Variants in ARMC7 observed in about 807,000 individuals in gnomAD.
ARMC7 encodes the protein armadillo repeat-containing protein 7.
ARMC7 carries 9 observed loss-of-function variants against 14.8 expected under a neutral mutation model. The observed-to-expected ratio is 0.61, with a 90% CI of 0.37 to 1.06. The LOEUF (loss-of-function observed/expected upper bound fraction) is 1.06, where lower values mean the gene tolerates loss of function less well. Among genes scored for constraint, ARMC7 ranks in the 50% least tolerant of loss-of-function variants. ARMC7 has a pLI of 0.01. For missense variants in ARMC7, 262 were observed against 267.1 expected (o/e 0.98, Z 0.13); for synonymous variants, 125 against 123.4 (o/e 1.01, Z -0.09).
intron 2 of ARMC7, among the ~76,000 whole-genome samples, chr17:75,120,022 A>C (rs1224161684): frequency 6.6e-6 from 1 of 152,124 alleles, no homozygotes; most frequent in African/African-American, 2.4e-5. Context: ...CTCCTGCCTC[A>C]GCCTCCCAAG....
chr17:75,111,430 T>TGAGACTCTGTCTCAAA (rs1374498931), intron 2 of ARMC7, among the ~76,000 whole-genome samples: 2 of 150,534 alleles, frequency 1.3e-5, no homozygotes, highest in Non-Finnish European at 3.0e-5. Flanking sequence ...TGGGCAACAG[T>TGAGACTCTGTCTCAAA]GAGACTCTGT....
At chr17:75,127,396 G>A (rs138389409) in intron 2 of ARMC7, among the ~76,000 whole-genome samples, 6 of 151,826 alleles carry the variant, frequency 4.0e-5, no homozygotes, top group African/African-American at 7.2e-5. Flanking sequence ...TCCACCTACC[G>A]GGTTCAAGCT....
At chr17:75,114,660 A>G (rs1401016066) in intron 2 of ARMC7, 3 of 398,012 alleles carry the variant, frequency 7.5e-6, no homozygotes, top group Admixed American at 4.4e-5. Context: ...TGTTAGGATC[A>G]TTATCACCAG....
chr17:75,117,282 G>A (rs1421487944), intron 2 of ARMC7, among the ~76,000 whole-genome samples: 2 of 152,188 alleles, frequency 1.3e-5, no homozygotes, highest in Non-Finnish European at 2.9e-5. Context: ...TCGACATGTT[G>A]GCCAGGCTGA....
intron 2 of ARMC7, among the ~76,000 whole-genome samples, chr17:75,121,060 C>G (rs752759251): frequency 1.1e-4 from 16 of 152,206 alleles, no homozygotes; most frequent in Non-Finnish European, 1.9e-4. Context: ...TTCATACAAA[C>G]AGAACCATGC....
chr17:75,110,507 G>A lies in ARMC7; in HGVS notation c.136G>A (p.Asp46Asn), dbSNP rs752984804. 7.4e-6 allele frequency: 12 copies of A among 1,613,976 alleles called. No individual in the cohort carries two copies. Among genetic ancestry groups the A allele is most frequent in the African/African-American group, 1.3e-5 (1 of 74,942 alleles). Reference sequence around the variant, plus strand: ...CGCCAACCTCGCCAACTTCGCTTATGACCCCAGCAACTACGAGTATCTGCG... The same window carrying A: ...CGCCAACCTCGCCAACTTCGCTTATAACCCCAGCAACTACGAGTATCTGCG... ...VLANLANFAYDPSNYEYLRQL... is the reference protein window; with the variant it reads ...VLANLANFAYNPSNYEYLRQL... Residue 46 changes from aspartate to asparagine, a missense_variant, in exon 2 of 3, where the codon GAC becomes AAC. Physicochemically the swap from Asp to Asn is conservative, Grantham distance 23. Transcript: ENST00000245543.
In ARMC7 at chr17:75,109,974, C is replaced by G. The variant is rs1053970583; in HGVS notation, c.-315C>G. The G allele has an allele frequency of 1.6e-4, 49 of 315,390 alleles. 1 individual carries two copies. Among genetic ancestry groups the G allele is most frequent in the African/African-American group, 1.0e-3 (47 of 45,456 alleles). 19.5% of individuals were successfully genotyped at this position (315,390 alleles called of 1,614,324 possible). A position where few individuals can be genotyped will look rare whatever the true frequency, so the allele number is the denominator to read the frequency against. ...GCGGCTTCCGCCGGGAGCCCGGAAC[C>G]GAGCCCAGGAGCCGGGGACGGTGCG... is the stretch of plus-strand genomic sequence containing the variant. On this transcript the variant is annotated 5_prime_UTR_variant, in exon 1 of 3. Coordinates refer to ENST00000245543, the MANE Select transcript of ARMC7 (RefSeq NM_024585.4). The surrounding 1 kb of genome is among the most constrained non-coding windows in gnomAD (Gnocchi z 5.0).
intron 2 of ARMC7, among the ~76,000 whole-genome samples, chr17:75,125,962 C>G (rs1351343058): frequency 6.6e-6 from 1 of 152,166 alleles, no homozygotes; most frequent in African/African-American, 2.4e-5. Flanking sequence ...GGGTCCTTGG[C>G]GGGGGCACCA....
chr17:75,118,741 G>C (rs904845163), intron 2 of ARMC7, among the ~76,000 whole-genome samples: 37 of 152,172 alleles, frequency 2.4e-4, no homozygotes, highest in African/African-American at 8.9e-4. Flanking sequence ...TGCCTCTCCT[G>C]GATGCCCGCC....
Position 75,110,013 on chromosome 17 carries a change from C to A in ARMC7, c.-276C>A. 2.6e-6 allele frequency: 1 copy of A among 388,928 alleles called. No homozygotes were observed. The highest frequency in any genetic ancestry group is 3.5e-5 in the South Asian group (1 of 28,762). 24.1% of individuals were successfully genotyped at this position (388,928 alleles called of 1,614,324 possible). A position where few individuals can be genotyped will look rare whatever the true frequency, so the allele number is the denominator to read the frequency against. On this transcript the variant is annotated 5_prime_UTR_variant, in exon 1 of 3. Transcript: ENST00000245543. ...GGGGACGGTGCGCCAGTGCCCCCTC[C>A]GCGAGCCCCAACCAGTAGACGGTTC...
chr17:75,120,974 G>A (rs1373988462), intron 2 of ARMC7, among the ~76,000 whole-genome samples: 1 of 152,130 alleles, frequency 6.6e-6, no homozygotes, highest in Non-Finnish European at 1.5e-5. Flanking sequence ...CACCCACGCT[G>A]GGTCAGTATC....
intron 2 of ARMC7, among the ~76,000 whole-genome samples, chr17:75,112,087 A>T (rs2073927871): frequency 6.8e-6 from 1 of 147,052 alleles, no homozygotes; most frequent in African/African-American, 2.7e-5. Context: ...TGAGAAAGGC[A>T]TTTTAGCCGG....
chr17:75,114,645 A>G, intron 2 of ARMC7: 1 of 397,808 alleles, frequency 2.5e-6, no homozygotes. Flanking sequence ...CAGGTATTTT[A>G]GAATTGTTAG....
rs2074000033 is a variant in ARMC7 at position 75,119,703 on chromosome 17, G to A, written c.236-8974G>A. On this transcript the variant is annotated intron_variant, in intron 2 of 2. Transcript: ENST00000245543. ...TCTCGATTTCCTGACCTTGTGATCCGCCTGCCTCGGCCCTCTCAAAGTGCT... is the reference window on the plus strand; with the variant it reads ...TCTCGATTTCCTGACCTTGTGATCCACCTGCCTCGGCCCTCTCAAAGTGCT... Among the ~76,000 whole-genome samples, 3 of 150,618 alleles carry A rather than the reference G, an allele frequency of 2.0e-5. No individual in the cohort carries two copies. The South Asian group carries it at 6.3e-4, about 32-fold the overall frequency.
At chr17:75,113,705 C>G (rs939189124) in intron 2 of ARMC7, among the ~76,000 whole-genome samples, 3 of 152,222 alleles carry the variant, frequency 2.0e-5, no homozygotes, top group Admixed American at 6.5e-5. Context: ...CCATCCAGGT[C>G]TCCTCTAAAG....
chr17:75,113,007 T>TTTTTA (rs71159435), intron 2 of ARMC7, among the ~76,000 whole-genome samples: 8,374 of 149,112 alleles, frequency 0.056, 303 homozygotes, highest in South Asian at 0.11. Flanking sequence ...AATAACACAT[T>TTTTTA]TTTTATTTTA....
intron 2 of ARMC7, among the ~76,000 whole-genome samples, chr17:75,120,325 GTC>G (rs1179182426): frequency 1.3e-5 from 2 of 152,136 alleles, no homozygotes; most frequent in Non-Finnish European, 2.9e-5. Context: ...ACCTCCCTGA[GTC>G]TCCGGCTTTC....
intron 2 of ARMC7, chr17:75,114,424 C>G: frequency 2.5e-6 from 1 of 395,172 alleles, no homozygotes; most frequent in Non-Finnish European, 4.5e-6. Flanking sequence ...GCGGCGTGGG[C>G]CTGGGCTGGG....
In ARMC7 at chr17:75,128,963, C is replaced by T. The variant is rs111481882; in HGVS notation, c.522C>T (p.Ala174=). The change falls in exon 3 of 3, where the codon GCC becomes GCT. Residue 174 remains alanine (A), a synonymous_variant. Coordinates refer to ENST00000245543, the MANE Select transcript of ARMC7 (RefSeq NM_024585.4). ...LEDFCSPRQV[A]EARSRQAHSA... Reference sequence around the variant, plus strand: ...ACTTCTGCTCCCCCCGCCAGGTGGCCGAGGCCCGCAGCCGGCAGGCGCACT... The same window carrying T: ...ACTTCTGCTCCCCCCGCCAGGTGGCTGAGGCCCGCAGCCGGCAGGCGCACT... 1.4e-5 allele frequency: 22 copies of T among 1,604,214 alleles called. No homozygotes were observed. The highest frequency in any genetic ancestry group is 1.6e-4 in the Middle Eastern group (1 of 6,084).
Sources: gnomAD v4.1 joint callset for allele counts (sites outside exome capture counted in the v4.1 genomes callset) on GRCh38, gnomAD v4.1.1 for gene constraint, Gnocchi (gnomAD v3.1) non-coding constraint, MANE v1.5 for transcripts, NCBI Gene and HGNC (gene_info 2026-07-23, HGNC 2026-07-21) for gene names.